ERBB4: variants seen among roughly 807,000 people sequenced by gnomAD.
ERBB4 encodes the protein receptor tyrosine-protein kinase erbB-4.
In ERBB4, 42 loss-of-function variants were observed where a neutral mutation model predicts 158.0. The observed-to-expected ratio is 0.27, with a 90% confidence interval of 0.21 to 0.34. ERBB4 has a LOEUF of 0.34. Among genes scored for constraint, ERBB4 ranks in the 10% least tolerant of loss-of-function variants. ERBB4 has a pLI of 1.00. For missense variants in ERBB4, 1,333 were observed against 1,624.1 expected, an observed-to-expected ratio of 0.82 and a Z score of 3.08; for synonymous variants, 583 against 558.7, an observed-to-expected ratio of 1.04 and a Z score of -0.61.
chr2:211,951,159 A>C (rs1298548384), intron 2 of ERBB4, among the ~76,000 whole-genome samples: 1 of 152,154 alleles, frequency 6.6e-6, no homozygotes, highest in African/African-American at 2.4e-5. Context: ...ATTAGCTTCC[A>C]TCCCACTCAG....
Position 211,401,605 on chromosome 2 carries a change from T to C in ERBB4, c.3136-13613A>G, listed in dbSNP as rs976548183. Reference sequence around the variant, plus strand: ...AGTCATGTAGGAAATATTTGAACTCTCATGCCCTGTTTGGTGGAGACATCA... The same window carrying C: ...AGTCATGTAGGAAATATTTGAACTCCCATGCCCTGTTTGGTGGAGACATCA... On this transcript the variant is annotated intron_variant, in intron 25 of 27. Coordinates refer to ENST00000342788, the MANE Select transcript of ERBB4 (RefSeq NM_005235.3). 1.1e-4 allele frequency among the ~76,000 whole-genome samples: 16 copies of C among 152,094 alleles called. 1 individual carries two copies. Among genetic ancestry groups the C allele is most frequent in the Non-Finnish European group, 4.4e-5 (3 of 67,974 alleles).
chr2:212,304,808 C>A (rs2086748933), intron 1 of ERBB4, among the ~76,000 whole-genome samples: 1 of 151,172 alleles, frequency 6.6e-6, no homozygotes, highest in Non-Finnish European at 1.5e-5. Flanking sequence ...AATATTGAAA[C>A]CTACAATAAA....
chr2:212,395,511 A>G (rs974175980), intron 1 of ERBB4, among the ~76,000 whole-genome samples: 11 of 151,748 alleles, frequency 7.2e-5, no homozygotes, highest in African/African-American at 2.7e-4. Context: ...AAAAGAATTA[A>G]GCCTATGCTA....
intron 19 of ERBB4, among the ~76,000 whole-genome samples, chr2:211,587,167 G>T (rs2068306795): frequency 6.6e-6 from 1 of 150,916 alleles, no homozygotes; most frequent in African/African-American, 2.4e-5. Context: ...GCCTGGCCAA[G>T]ATGGGTGAAA....
intron 3 of ERBB4, among the ~76,000 whole-genome samples, chr2:211,823,996 C>G (rs986286790): frequency 6.6e-6 from 1 of 151,978 alleles, no homozygotes; most frequent in Non-Finnish European, 1.5e-5. Context: ...ACGACCAAGA[C>G]CAGCTTTGTG....
At chr2:211,910,194 G>A (rs112678979) in intron 3 of ERBB4, among the ~76,000 whole-genome samples, 14,356 of 151,388 alleles carry the variant, frequency 0.095, 922 homozygotes, top group African/African-American at 0.14. Flanking sequence ...TGGGATTACA[G>A]GCATAAACTA....
At chr2:212,317,170 AT>A (rs946813574) in intron 1 of ERBB4, among the ~76,000 whole-genome samples, 1 of 150,960 alleles carries the variant, frequency 6.6e-6, no homozygotes, top group African/African-American at 2.4e-5. Flanking sequence ...GTAAGTTCAG[AT>A]TTTTTTTTCC....
At chr2:212,396,613 T>C (rs2091033001) in intron 1 of ERBB4, among the ~76,000 whole-genome samples, 1 of 152,122 alleles carries the variant, frequency 6.6e-6, no homozygotes, top group Admixed American at 6.6e-5. Flanking sequence ...TTTCATGGCC[T>C]ACAGAGATCT....
At chr2:211,548,191 A>G (rs949293709) in intron 20 of ERBB4, among the ~76,000 whole-genome samples, 6 of 152,088 alleles carry the variant, frequency 3.9e-5, no homozygotes, top group African/African-American at 1.4e-4. Flanking sequence ...AATTTGGCGC[A>G]TAAATAAAAA....
chr2:211,919,536 T>C (rs115597155), intron 3 of ERBB4, among the ~76,000 whole-genome samples: 7,059 of 152,126 alleles, frequency 0.046, 225 homozygotes, highest in Middle Eastern at 0.095. Context: ...TAAATGTGCA[T>C]GAACACGCAG....
At chr2:211,699,113 T>A (rs769973304) in intron 12 of ERBB4, among the ~76,000 whole-genome samples, 6 of 152,204 alleles carry the variant, frequency 3.9e-5, no homozygotes, top group African/African-American at 9.6e-5. Context: ...TTCATTAAGT[T>A]CATAAGCCAA....
chr2:212,210,785 ACT>A (rs2082910946), intron 1 of ERBB4, among the ~76,000 whole-genome samples: 1 of 151,852 alleles, frequency 6.6e-6, no homozygotes, highest in Non-Finnish European at 1.5e-5. Context: ...TTCTGGAAAT[ACT>A]CTCTGAGGGA....
chr2:211,405,292 G>A (rs942506968), intron 25 of ERBB4, among the ~76,000 whole-genome samples: 2 of 152,062 alleles, frequency 1.3e-5, no homozygotes, highest in African/African-American at 2.4e-5. Context: ...AATGTCTTCC[G>A]TTCGTGAATT....
chr2:211,636,795 G>A (rs905400599), intron 16 of ERBB4, among the ~76,000 whole-genome samples: 1 of 151,840 alleles, frequency 6.6e-6, no homozygotes, highest in Admixed American at 6.6e-5. Flanking sequence ...CTCTATGAAA[G>A]GGAATAATTC....
rs34140591 is a variant in ERBB4, at chr2:211,687,133, T to TAA, written c.1490-7951_1490-7950dup. On this transcript the variant is annotated intron_variant, in intron 12 of 27. Transcript: ENST00000342788. The stretch of plus-strand genomic sequence containing the variant: ...AACATGGTGAAACCCCATCTCTACT[T>TAA]AAAAAAAAAAAAGTACAAAAAGTTA... 4.6e-3 allele frequency among the ~76,000 whole-genome samples: 553 copies of TAA among 119,720 alleles called. 4 individuals carry two copies. Among genetic ancestry groups the TAA allele is most frequent in the Non-Finnish European group, 7.7e-3 (414 of 53,980 alleles). 78.5% of individuals were successfully genotyped at this position (119,720 alleles called of 152,430 possible). A position where few individuals can be genotyped will look rare whatever the true frequency, so the allele number is the denominator to read the frequency against.
chr2:212,003,143 AGG>A (rs1491123133), intron 2 of ERBB4, among the ~76,000 whole-genome samples: 19 of 19,408 alleles, frequency 9.8e-4, no homozygotes, highest in African/African-American at 1.2e-3. Context: ...GAAGGAAGGA[AGG>A]AAGGAAAGAA....
rs200751019 is a variant in ERBB4, at chr2:211,464,946, G to GC, written c.2488-33847dup. Among the ~76,000 whole-genome samples, 830 of 148,540 alleles carry GC rather than the reference G, an allele frequency of 5.6e-3. 10 individuals carry two copies. The highest frequency in any genetic ancestry group is 0.019 in the African/African-American group (768 of 40,830). ...TGAGAGGCATACAGGATAATAAGAG[G>GC]CCCACTGGAGCTTACCTTGTTTTTC... On this transcript the variant is annotated intron_variant, in intron 20 of 27. Coordinates refer to ENST00000342788, the MANE Select transcript of ERBB4 (RefSeq NM_005235.3).
At chr2:212,110,741 CA>C (rs1299454322) in intron 2 of ERBB4, among the ~76,000 whole-genome samples, 28 of 152,308 alleles carry the variant, frequency 1.8e-4, no homozygotes, top group South Asian at 4.1e-4. Context: ...AATCAGCAAA[CA>C]AAAGGTTAAG....
chr2:211,440,424 T>G (rs576317331), intron 20 of ERBB4, among the ~76,000 whole-genome samples: 66 of 152,262 alleles, frequency 4.3e-4, no homozygotes, highest in Non-Finnish European at 1.8e-4. Flanking sequence ...AACCTCTAGA[T>G]TAATAGAAGC....
Sources: gnomAD v4.1 joint callset for allele counts (sites outside exome capture counted in the v4.1 genomes callset) on GRCh38, gnomAD v4.1.1 for gene constraint, MANE v1.5 for transcripts, NCBI Gene and HGNC (gene_info 2026-07-23, HGNC 2026-07-21) for gene names.